Variants in TSHR observed in about 807,000 individuals in gnomAD.
The protein encoded by TSHR is thyroid stimulating hormone receptor.
A neutral mutation model predicts 64.1 loss-of-function variants in TSHR; 51 were observed. That is an observed-to-expected ratio of 0.80 (90% CI 0.64 to 1.01). The LOEUF (loss-of-function observed/expected upper bound fraction) is 1.01. TSHR is among the 50% of genes least tolerant of loss of function. The pLI is 0.00. For synonymous variants in TSHR, 361 were observed against 361.9 expected (o/e 1.00, Z 0.03); for missense variants, 877 against 942.8 (o/e 0.93, Z 0.91).
intron 1 of TSHR, among the ~76,000 whole-genome samples, chr14:81,037,692 C>A (rs188423058): frequency 1.3e-5 from 2 of 151,874 alleles, no homozygotes; most frequent in Admixed American, 1.3e-4. Flanking sequence ...ACAAGAGTAG[C>A]TATACTTAGA....
chr14:81,001,609 T>C, intron 1 of TSHR: 1 of 524,906 alleles, frequency 1.9e-6, no homozygotes, highest in Non-Finnish European at 3.8e-6. Flanking sequence ...ACTCCCCCAT[T>C]GTAACGTCAG....
intron 1 of TSHR, chr14:81,052,318 TGTGTTCTTGG>T (rs1885479915): frequency 6.6e-6 from 1 of 152,238 alleles, no homozygotes. Flanking sequence ...TTCCTCATTG[TGTGTTCTTGG>T]CACCTTTGTT....
chr14:81,080,279 G>A (rs974333360), intron 3 of TSHR, among the ~76,000 whole-genome samples: 1 of 152,122 alleles, frequency 6.6e-6, no homozygotes, highest in Admixed American at 6.6e-5. Flanking sequence ...TCAAAAATAA[G>A]TGAAAAATTT....
chr14:81,101,967 C>T (rs1048085594), intron 7 of TSHR, among the ~76,000 whole-genome samples: 12 of 152,020 alleles, frequency 7.9e-5, no homozygotes, highest in African/African-American at 2.9e-4. Flanking sequence ...GTCAGGAGAT[C>T]GAGACCATCC....
chr14:81,021,715 T>G (rs1883761060), intron 1 of TSHR, among the ~76,000 whole-genome samples: 1 of 152,254 alleles, frequency 6.6e-6, no homozygotes, highest in Admixed American at 6.5e-5. Flanking sequence ...TTGGATCAAT[T>G]ATTTCTTTTT....
intron 6 of TSHR, chr14:81,093,752 G>C (rs536475803): frequency 6.6e-6 from 1 of 152,144 alleles, no homozygotes; most frequent in South Asian, 2.1e-4. Context: ...AAAAGACAAA[G>C]GAGGCTCCTT....
chr14:80,965,451 A>G (rs1453146737), intron 1 of TSHR, among the ~76,000 whole-genome samples: 1 of 152,156 alleles, frequency 6.6e-6, no homozygotes, highest in Non-Finnish European at 1.5e-5. Flanking sequence ...CTGTCCCTTG[A>G]TAGGCTCTTC....
chr14:81,034,151 A>T (rs949742422), intron 1 of TSHR, among the ~76,000 whole-genome samples: 22 of 152,196 alleles, frequency 1.4e-4, no homozygotes, highest in Admixed American at 1.2e-3. Flanking sequence ...TATACTTTAT[A>T]CACAGTTACT....
chr14:80,972,222 T>A (rs986265359), intron 1 of TSHR, among the ~76,000 whole-genome samples: 2 of 152,230 alleles, frequency 1.3e-5, no homozygotes, highest in African/African-American at 4.8e-5. Context: ...GTTTTAGCTA[T>A]AACATAAATT....
intron 1 of TSHR, chr14:80,982,901 G>A (rs1470622616): frequency 1.2e-5 from 6 of 514,702 alleles, no homozygotes; most frequent in Middle Eastern, 3.0e-4. Context: ...GAGGTAAATG[G>A]GATTAAGCCA....
intron 6 of TSHR, among the ~76,000 whole-genome samples, chr14:81,096,428 G>C (rs1285079403): frequency 6.6e-6 from 1 of 152,164 alleles, no homozygotes; most frequent in Non-Finnish European, 1.5e-5. Context: ...TTTACTAGGA[G>C]CTAAGTCAGG....
chr14:81,015,504 A>G (rs952832688), intron 1 of TSHR, among the ~76,000 whole-genome samples: 2 of 152,198 alleles, frequency 1.3e-5, no homozygotes, highest in African/African-American at 4.8e-5. Flanking sequence ...TTAATTTTTT[A>G]AATTGAAAAA....
intron 7 of TSHR, among the ~76,000 whole-genome samples, chr14:81,099,083 T>C (rs759887925): frequency 1.1e-4 from 17 of 152,208 alleles, no homozygotes; most frequent in Non-Finnish European, 2.1e-4. Context: ...TTCAAAGCAC[T>C]AATGCCTAGG....
At chr14:81,076,133 T>C (rs1488749492) in intron 3 of TSHR, among the ~76,000 whole-genome samples, 1 of 152,192 alleles carries the variant, frequency 6.6e-6, no homozygotes, top group African/African-American at 2.4e-5. Flanking sequence ...CATCACACTC[T>C]GAAGACCATT....
At chr14:81,066,290 G>C (rs552481582) in intron 2 of TSHR, among the ~76,000 whole-genome samples, 3 of 152,276 alleles carry the variant, frequency 2.0e-5, no homozygotes, top group Non-Finnish European at 2.9e-5. Context: ...TGGCAGCCTT[G>C]AAAAATGAAT....
At chr14:81,073,651 T>C (rs1887280020) in intron 3 of TSHR, among the ~76,000 whole-genome samples, 1 of 152,006 alleles carries the variant, frequency 6.6e-6, no homozygotes, top group South Asian at 2.1e-4. Flanking sequence ...ATATGACATA[T>C]CAAAACCTGT....
chr14:81,044,017 T>C (rs1275449518), intron 1 of TSHR, among the ~76,000 whole-genome samples: 3 of 152,150 alleles, frequency 2.0e-5, no homozygotes, highest in African/African-American at 2.4e-5. Context: ...ATTCAGGACA[T>C]ATGCACAGGC....
In TSHR at chr14:81,142,944, C is replaced by G. The variant is rs2140108538; in HGVS notation, c.886C>G (p.Leu296Val). 1.2e-6 allele frequency: 2 copies of G among 1,614,056 alleles called. No individual in the cohort carries two copies. The highest frequency in any genetic ancestry group is 1.7e-6 in the Non-Finnish European group (2 of 1,180,012). Reference protein sequence around the residue: ...FKNQKKIRGILESLMCNESSM... With the variant: ...FKNQKKIRGIVESLMCNESSM... ...CTCTTTTCTGTTGCCTTGCAGAATC[C>G]TTGAGTCCTTGATGTGTAATGAGAG... The change falls in exon 10 of 10, where the codon CTT becomes GTT. Residue 296 changes from leucine (L) to valine (V), a missense_variant. Physicochemically the swap from Leu to Val is conservative, Grantham distance 32. Transcript: ENST00000298171.
chr14:81,023,147 A>G (rs1704194963), intron 1 of TSHR, among the ~76,000 whole-genome samples: 1 of 152,196 alleles, frequency 6.6e-6, no homozygotes, highest in Non-Finnish European at 1.5e-5. Flanking sequence ...GGCCTAAGAC[A>G]CTGAGTAAAG....
Sources: gnomAD v4.1 joint callset for allele counts (sites outside exome capture counted in the v4.1 genomes callset) on GRCh38, gnomAD v4.1.1 for gene constraint, MANE v1.5 for transcripts, NCBI Gene and HGNC (gene_info 2026-07-23, HGNC 2026-07-21) for gene names.